ZCWPW2: variants seen among roughly 807,000 people sequenced by gnomAD.
ZCWPW2 encodes zinc finger CW-type PWWP domain protein 2.
Under a neutral mutation model 46.6 loss-of-function variants are expected in ZCWPW2, and 45 were observed. The observed-to-expected ratio is 0.96, with a 90% CI of 0.76 to 1.24. The LOEUF is 1.24. ZCWPW2 is among the 50% of genes most tolerant of loss of function. The pLI is 0.00. For missense variants in ZCWPW2, 429 were observed against 403.9 expected, an observed-to-expected ratio of 1.06 and a Z score of -0.53; for synonymous variants, 152 against 137.1, an observed-to-expected ratio of 1.11 and a Z score of -0.76.
rs377107045 is a variant in ZCWPW2 at position 28,508,878 on chromosome 3, A to T, written c.658-5186A>T. 2.6e-5 allele frequency among the ~76,000 whole-genome samples: 4 copies of T among 152,164 alleles called. No homozygotes were observed. In the East Asian group the frequency reaches 5.8e-4, roughly 22 times the overall value. On this transcript the variant is annotated intron_variant, in intron 6 of 9. Transcript: ENST00000383768. ...TTTTTTAAATTACAGATTTATTGAG[A>T]TTTAATTTGTATATCATACAGTTCA...
intron 6 of ZCWPW2, among the ~76,000 whole-genome samples, chr3:28,505,137 T>C (rs1157024020): frequency 6.6e-6 from 1 of 152,188 alleles, no homozygotes; most frequent in African/African-American, 2.4e-5. Context: ...GATCAACTGC[T>C]ATTTTTAGGG....
At chr3:28,502,204 A>G (rs909228341) in intron 6 of ZCWPW2, among the ~76,000 whole-genome samples, 4 of 152,100 alleles carry the variant, frequency 2.6e-5, no homozygotes, top group African/African-American at 7.2e-5. Context: ...TTTTATCTTG[A>G]ATTAAAGTCT....
intron 8 of ZCWPW2, among the ~76,000 whole-genome samples, chr3:28,519,306 A>G (rs1700657412): frequency 6.6e-6 from 1 of 152,226 alleles, no homozygotes; most frequent in South Asian, 2.1e-4. Context: ...AGGAAGGCTT[A>G]TTAGTCTATG....
Position 28,504,463 on chromosome 3 carries a change from G to T in ZCWPW2, c.658-9601G>T, listed in dbSNP as rs963680615. ...ATCCATGGGTTGAATAATCAGGCTGGTTATCCTTACTATTCTAGCTGATAT... is the reference window on the plus strand; with the variant it reads ...ATCCATGGGTTGAATAATCAGGCTGTTTATCCTTACTATTCTAGCTGATAT... On this transcript the variant is annotated intron_variant, in intron 6 of 9. Transcript: ENST00000383768. Among the ~76,000 whole-genome samples, 11 of 152,160 alleles carry T rather than the reference G, an allele frequency of 7.2e-5. 1 individual carries two copies. Among genetic ancestry groups the T allele is most frequent in the Admixed American group, 2.0e-4 (3 of 15,258 alleles).
chr3:28,468,861 A>G (rs1360951090), intron 4 of ZCWPW2, among the ~76,000 whole-genome samples: 1 of 152,222 alleles, frequency 6.6e-6, no homozygotes, highest in African/African-American at 2.4e-5. Flanking sequence ...CCTGAGCAAT[A>G]CAACATCATC....
intron 3 of ZCWPW2, among the ~76,000 whole-genome samples, chr3:28,433,768 A>G (rs1575128484): frequency 1.0e-5 from 1 of 95,842 alleles, no homozygotes; most frequent in East Asian, 2.0e-4. Context: ...AAAAAAAAAA[A>G]ACAAAAAACA....
At chr3:28,458,730 C>A (rs1158555289) in intron 4 of ZCWPW2, among the ~76,000 whole-genome samples, 1 of 152,156 alleles carries the variant, frequency 6.6e-6, no homozygotes, top group Non-Finnish European at 1.5e-5. Context: ...GCCGCACAGG[C>A]CTTCTTATTG....
chr3:28,354,527 A>G (rs1324862398), intron 1 of ZCWPW2, among the ~76,000 whole-genome samples: 2 of 136,708 alleles, frequency 1.5e-5, no homozygotes, highest in Admixed American at 8.0e-5. Context: ...TCCTGATACC[A>G]AAGTGTGGCA....
intron 5 of ZCWPW2, among the ~76,000 whole-genome samples, chr3:28,479,794 T>G (rs2125805336): frequency 6.6e-6 from 1 of 152,312 alleles, no homozygotes; most frequent in African/African-American, 2.4e-5. Flanking sequence ...TGTTCCTGCA[T>G]TAGTTTGCTA....
intron 4 of ZCWPW2, among the ~76,000 whole-genome samples, chr3:28,443,477 C>T (rs765887750): frequency 2.6e-5 from 4 of 152,114 alleles, no homozygotes; most frequent in Admixed American, 1.3e-4. Context: ...GTCCATTCAA[C>T]CTAGAAGTTT....
chr3:28,519,744 G>A (rs541593717), intron 8 of ZCWPW2, among the ~76,000 whole-genome samples: 3 of 152,240 alleles, frequency 2.0e-5, no homozygotes, highest in African/African-American at 2.4e-5. Context: ...TCTGAATTAC[G>A]TTGTTTTTGG....
intron 3 of ZCWPW2, among the ~76,000 whole-genome samples, chr3:28,426,327 CACTT>C (rs1347306758): frequency 1.3e-5 from 2 of 151,524 alleles, no homozygotes; most frequent in Non-Finnish European, 2.9e-5. Flanking sequence ...GTGCATATCT[CACTT>C]AATTCAGGAA....
chr3:28,370,687 G>A (rs186022697), intron 1 of ZCWPW2, among the ~76,000 whole-genome samples: 101 of 152,260 alleles, frequency 6.6e-4, no homozygotes, highest in Non-Finnish European at 1.1e-3. Flanking sequence ...GAGCCATGCA[G>A]TTATAATTCA....
intron 5 of ZCWPW2, among the ~76,000 whole-genome samples, chr3:28,491,030 ATATTT>A (rs1384387594): frequency 6.6e-6 from 1 of 152,140 alleles, no homozygotes; most frequent in Non-Finnish European, 1.5e-5. Context: ...CTTTTGAGGA[ATATTT>A]TAGTTTCACA....
intron 1 of ZCWPW2, among the ~76,000 whole-genome samples, chr3:28,359,806 T>C (rs750990727): frequency 2.0e-5 from 3 of 152,130 alleles, no homozygotes; most frequent in Non-Finnish European, 4.4e-5. Context: ...TGTCTTTTTT[T>C]CCCCCTACAC....
chr3:28,478,324 G>A, intron 4 of ZCWPW2: 1 of 323,884 alleles, frequency 3.1e-6, no homozygotes, highest in South Asian at 2.4e-5. Context: ...CATCACTGCA[G>A]CATCTGCCTC....
At chr3:28,499,160 C>T (rs1333804454) in intron 6 of ZCWPW2, among the ~76,000 whole-genome samples, 1 of 152,102 alleles carries the variant, frequency 6.6e-6, no homozygotes, top group Non-Finnish European at 1.5e-5. Context: ...TGGGTATATA[C>T]CCAGTACTGG....
At chr3:28,479,127 T>A (rs898756303) in intron 5 of ZCWPW2, among the ~76,000 whole-genome samples, 196 bp downstream of exon 5, 1 of 152,214 alleles carries the variant, frequency 6.6e-6, no homozygotes, top group East Asian at 1.9e-4. Flanking sequence ...TTTCAATGAC[T>A]AAACATACAC....
chr3:28,492,127 A>T lies in ZCWPW2; in HGVS notation c.611A>T (p.Asp204Val), dbSNP rs1010276036. 1 of 1,609,940 alleles carries T rather than the reference A, an allele frequency of 6.2e-7. No individual in the cohort carries two copies. The highest frequency in any genetic ancestry group is 8.5e-7 in the Non-Finnish European group (1 of 1,178,210). Residue 204 changes from aspartate (D) to valine (V), a missense_variant and splice_region_variant, in exon 6 of 10, where the codon GAT (aspartate) becomes GTT (valine). Transcript: ENST00000383768. ...LEMCCLSKLQ[D>V]KSETHDKVAA... Reference sequence around the variant, plus strand: ...GCAGCCATGTTTCATTGTCTTACAGATAAATCCGAAACACATGACAAAGTT... The same window carrying T: ...GCAGCCATGTTTCATTGTCTTACAGTTAAATCCGAAACACATGACAAAGTT...
Sources: allele counts gnomAD v4.1 joint callset (sites outside exome capture counted in the v4.1 genomes callset), GRCh38; gene constraint gnomAD v4.1.1; transcripts MANE v1.5; gene names NCBI Gene and HGNC (gene_info 2026-07-23, HGNC 2026-07-21).